Variants in KATNAL2 observed in about 807,000 individuals in gnomAD.
KATNAL2 encodes katanin p60 ATPase-containing subunit A-like 2.
In KATNAL2, 52 loss-of-function variants were observed where a neutral mutation model predicts 76.3. That is an observed-to-expected ratio of 0.68 (90% CI 0.55 to 0.86). The LOEUF (loss-of-function observed/expected upper bound fraction) is 0.86, where lower values mean the gene tolerates loss of function less well. Ranked by LOEUF, KATNAL2 falls within the 40% of genes least tolerant of loss-of-function variation. The pLI, the probability that KATNAL2 is intolerant of heterozygous loss-of-function variation, is 0.00. For synonymous variants in KATNAL2, 243 were observed against 244.2 expected (o/e 1.00, Z 0.05); for missense variants, 660 against 668.9 (o/e 0.99, Z 0.15).
At chr18:46,941,182 G>A (rs1254448820) in intron 1 of KATNAL2, among the ~76,000 whole-genome samples, 1 of 152,082 alleles carries the variant, frequency 6.6e-6, no homozygotes, top group Non-Finnish European at 1.5e-5. Flanking sequence ...AAATTAGTCA[G>A]GTGAGATGGC....
chr18:47,085,423 C>A (rs942433825), intron 15 of KATNAL2, among the ~76,000 whole-genome samples: 6 of 152,108 alleles, frequency 3.9e-5, no homozygotes, highest in African/African-American at 1.4e-4. Context: ...AACTATGTGG[C>A]CTTCCTAAAG....
intron 1 of KATNAL2, among the ~76,000 whole-genome samples, chr18:46,942,090 C>A (rs1048622733): frequency 5.3e-5 from 8 of 151,996 alleles, no homozygotes; most frequent in African/African-American, 1.9e-4. Context: ...AGTAGGTAAT[C>A]GAAAAAGGTT....
chr18:46,955,171 T>TTTCTTTCC (rs2059701816), intron 3 of KATNAL2, among the ~76,000 whole-genome samples: 1 of 148,384 alleles, frequency 6.7e-6, no homozygotes, highest in Non-Finnish European at 1.5e-5. Context: ...TCTTTCTTTC[T>TTTCTTTCC]TTCTTTCTTT....
At chr18:46,956,313 G>A (rs1569017928) in intron 3 of KATNAL2, among the ~76,000 whole-genome samples, 1 of 152,150 alleles carries the variant, frequency 6.6e-6, no homozygotes, top group Non-Finnish European at 1.5e-5. Context: ...GGTGTTTTGA[G>A]ATTTGCCTAA....
In KATNAL2 at chr18:47,069,252, C is replaced by T. The variant is rs750695010; in HGVS notation, c.858C>T (p.Pro286=). The change falls in exon 12 of 18, where the codon CCC becomes CCT. Residue 286 remains proline, a synonymous_variant. Coordinates refer to ENST00000683218, the MANE Select transcript of KATNAL2 (RefSeq NM_001387690.1). The part of the protein sequence containing the change: ...YPQLFTGILS[P]WKGLLLYGPP... The stretch of plus-strand genomic sequence containing the variant: ...AGCTATTTACAGGAATTCTTTCTCC[C>T]TGGAAAGGACTACTGCTGTACGGCC... 6.2e-7 allele frequency: 1 copy of T among 1,611,286 alleles called. No homozygotes were observed. The highest frequency in any genetic ancestry group is 8.5e-7 in the Non-Finnish European group (1 of 1,178,808).
At chr18:46,943,033 T>C (rs1473921689) in intron 1 of KATNAL2, among the ~76,000 whole-genome samples, 1 of 152,160 alleles carries the variant, frequency 6.6e-6, no homozygotes, top group Non-Finnish European at 1.5e-5. Context: ...TTTGGAGTAG[T>C]ACTCTGATTA....
At position 47,063,040 on chromosome 18, in the gene KATNAL2, G is replaced by A; in HGVS notation, c.618G>A (p.Leu206=). ...AGGGAGCAACCAGTGAACTTGCCTT[G>A]AACACCTTCGACCATAATCCAGACC... The part of the protein sequence containing the change: ...AIKGATSELA[L]NTFDHNPDPS... Residue 206 remains leucine, a synonymous_variant, in exon 9 of 18, where the codon TTG becomes TTA. Coordinates refer to ENST00000683218, the MANE Select transcript of KATNAL2 (RefSeq NM_001387690.1). 1 of 1,614,114 alleles carries A rather than the reference G, an allele frequency of 6.2e-7. No individual in the cohort carries two copies. The highest frequency in any genetic ancestry group is 8.5e-7 in the Non-Finnish European group (1 of 1,180,004).
At position 47,077,405 on chromosome 18, in the gene KATNAL2, TG is replaced by T; in HGVS notation, c.1158del (p.Leu387TrpfsTer11). 6.2e-7 allele frequency: 1 copy of T among 1,614,006 alleles called. No individual in the cohort carries two copies. The highest frequency in any genetic ancestry group is 1.7e-5 in the Admixed American group (1 of 60,002). On this transcript the variant is annotated frameshift_variant, in exon 15 of 18. Transcript: ENST00000683218. LOFTEE classifies it high-confidence loss of function. ...AGACAGAGTTACTGGTGCAGATGGATGGGCTGGCACGCTCAGAAGATCTCGT... is the reference window on the plus strand; with the variant it reads ...AGACAGAGTTACTGGTGCAGATGGATGGCTGGCACGCTCAGAAGATCTCGT... ...MKTELLVQMD[G>X]LARSEDLVFV...
chr18:47,053,172 G>T (rs1283847159), intron 5 of KATNAL2, 126 bp downstream of exon 5: 13 of 745,570 alleles, frequency 1.7e-5, no homozygotes, highest in Non-Finnish European at 4.3e-6. Flanking sequence ...GGAGGATTGT[G>T]TAGCCATTCT....
intron 4 of KATNAL2, among the ~76,000 whole-genome samples, chr18:47,049,141 A>G (rs2061261952): frequency 6.6e-6 from 1 of 152,130 alleles, no homozygotes; most frequent in Admixed American, 6.5e-5. Flanking sequence ...TTTCTTTCAA[A>G]TGTCTGCTCT....
intron 3 of KATNAL2, among the ~76,000 whole-genome samples, chr18:47,032,268 C>T (rs1307066515): frequency 6.6e-6 from 1 of 152,186 alleles, no homozygotes; most frequent in Non-Finnish European, 1.5e-5. Flanking sequence ...TTTCTTTGAG[C>T]CATGCTCAGG....
chr18:46,953,116 G>C (rs112482502), intron 3 of KATNAL2, among the ~76,000 whole-genome samples: 3 of 151,778 alleles, frequency 2.0e-5, no homozygotes, highest in South Asian at 4.2e-4. Context: ...GGATGGTCTC[G>C]ATCTCCTGAC....
At chr18:46,948,424 TTC>T (rs2059446203) in intron 3 of KATNAL2, among the ~76,000 whole-genome samples, 1 of 147,346 alleles carries the variant, frequency 6.8e-6, no homozygotes, top group Admixed American at 6.8e-5. Flanking sequence ...CTTCTTCTTC[TTC>T]TTTTTTTTTT....
intron 3 of KATNAL2, among the ~76,000 whole-genome samples, chr18:46,955,140 C>CCCTTTCTTTCTTTCTTTCTTTCTT (rs2059691231): frequency 1.2e-5 from 1 of 85,020 alleles, no homozygotes; most frequent in Non-Finnish European, 2.3e-5. Context: ...CTTTCTCTCT[C>CCCTTTCTTTCTTTCTTTCTTTCTT]TCTTTCTTTC....
intron 17 of KATNAL2, 104 bp from the exon 18 acceptor site, chr18:47,100,762 T>A (rs2147442045): frequency 7.4e-7 from 1 of 1,357,666 alleles, no homozygotes; most frequent in Non-Finnish European, 1.0e-6. Context: ...CAATTAAGAA[T>A]GCTGCATTAT....
chr18:47,097,288 G>A (rs1259793180), intron 15 of KATNAL2, among the ~76,000 whole-genome samples: 1 of 152,096 alleles, frequency 6.6e-6, no homozygotes, highest in Non-Finnish European at 1.5e-5. Flanking sequence ...TCAAAGTATT[G>A]TACACAGAAT....
chr18:46,954,204 T>G (rs2059653941), intron 3 of KATNAL2, among the ~76,000 whole-genome samples: 1 of 151,842 alleles, frequency 6.6e-6, no homozygotes, highest in African/African-American at 2.4e-5. Context: ...AGCATGCTCT[T>G]TATACCTCAC....
chr18:47,101,312 T>C lies in KATNAL2; in HGVS notation c.*307T>C. The C allele has an allele frequency of 3.9e-6, 1 of 255,650 alleles. No homozygotes were observed. The highest frequency in any genetic ancestry group is 6.1e-5 in the South Asian group (1 of 16,362). The allele number at this position is 255,650 out of a possible 1,614,324, so 15.8% of individuals were successfully genotyped here. A position where few individuals can be genotyped will look rare whatever the true frequency, so the allele number is the denominator to read the frequency against. On this transcript the variant is annotated 3_prime_UTR_variant, in exon 18 of 18. Coordinates refer to ENST00000683218, the MANE Select transcript of KATNAL2 (RefSeq NM_001387690.1). ...GAACAATTTTCTGTAATGTTACTCA[T>C]TTGTAAACTTTTTAAGAAAAAGATG...
At chr18:47,088,250 A>C (rs1219653546) in intron 15 of KATNAL2, among the ~76,000 whole-genome samples, 1 of 152,160 alleles carries the variant, frequency 6.6e-6, no homozygotes, top group Non-Finnish European at 1.5e-5. Flanking sequence ...TGGGAAGTAA[A>C]GAGAAAACCC....
Sources: allele counts gnomAD v4.1 joint callset (sites outside exome capture counted in the v4.1 genomes callset), GRCh38; gene constraint gnomAD v4.1.1; transcripts MANE v1.5; gene names NCBI Gene and HGNC (gene_info 2026-07-23, HGNC 2026-07-21).